The following TRIM13 variants were observed in gnomAD, a reference collection of about 807,000 sequenced individuals.
TRIM13 encodes the protein tripartite motif containing 13.
Under a neutral mutation model 27.1 loss-of-function variants are expected in TRIM13, and 15 were observed. That is an observed-to-expected ratio of 0.55 (90% CI 0.37 to 0.85). The LOEUF (loss-of-function observed/expected upper bound fraction) is 0.85, where lower values mean the gene tolerates loss of function less well. Among genes scored for constraint, TRIM13 ranks in the 40% least tolerant of loss-of-function variants. The pLI is 0.00. For missense variants in TRIM13, 402 were observed against 472.2 expected (o/e 0.85, Z 1.38); for synonymous variants, 193 against 171.5 (o/e 1.13, Z -0.98).
chr13:49,998,449 C>T (rs759650823), intron 1 of TRIM13, among the ~76,000 whole-genome samples: 9 of 152,228 alleles, frequency 5.9e-5, no homozygotes, highest in African/African-American at 2.2e-4. Flanking sequence ...CTTGAAATCA[C>T]AGTTCAAGTT....
intron 1 of TRIM13, among the ~76,000 whole-genome samples, chr13:50,000,471 CAAACA>C (rs1344894902): frequency 6.6e-6 from 1 of 152,120 alleles, no homozygotes; most frequent in Non-Finnish European, 1.5e-5. Flanking sequence ...CAACAACCCA[CAAACA>C]AAACAACACA....
Position 50,013,065 on chromosome 13 carries a change from G to A in TRIM13, c.1125G>A (p.Val375=), listed in dbSNP as rs1446432636. 1.2e-6 allele frequency: 2 copies of A among 1,613,872 alleles called. No individual in the cohort carries two copies. Among genetic ancestry groups the A allele is most frequent in the Admixed American group, 1.7e-5 (1 of 59,988 alleles). ...AATCAGTTTTTTACTGGGAACAGGT[G>A]ACAGATGGGTTTTTCATTTTCAATG... is the stretch of plus-strand genomic sequence containing the variant. ...IEQSVFYWEQ[V]TDGFFIFNER... Residue 375 remains valine (V), a synonymous_variant, in exon 2 of 2, where the codon GTG becomes GTA. Coordinates refer to ENST00000378182, the MANE Select transcript of TRIM13 (RefSeq NM_213590.3).
Position 50,012,873 on chromosome 13 carries a change from C to G in TRIM13, c.933C>G (p.Pro311=), listed in dbSNP as rs1389438406. ...QDTGTFISKI[P]WSFYKLFLLI... Reference sequence around the variant, plus strand: ...CTGGCACATTCATTAGCAAGATTCCCTGGAGCTTTTATAAGTTATTTTTGC... The same window carrying G: ...CTGGCACATTCATTAGCAAGATTCCGTGGAGCTTTTATAAGTTATTTTTGC... The change falls in exon 2 of 2, where the codon CCC becomes CCG. Residue 311 remains proline, a synonymous_variant. Coordinates refer to ENST00000378182, the MANE Select transcript of TRIM13 (RefSeq NM_213590.3). 6.2e-7 allele frequency: 1 copy of G among 1,614,014 alleles called. No individual in the cohort carries two copies. The highest frequency in any genetic ancestry group is 1.7e-5 in the Admixed American group (1 of 60,004).
At position 50,012,712 on chromosome 13, in the gene TRIM13, A is replaced by G. The variant is rs1875802451; in HGVS notation, c.772A>G (p.Lys258Glu). 2 of 1,614,002 alleles carry G rather than the reference A, an allele frequency of 1.2e-6. No homozygotes were observed. The highest frequency in any genetic ancestry group is 1.3e-5 in the African/African-American group (1 of 74,918). The stretch of plus-strand genomic sequence containing the variant: ...GCAACAGATGCAGGAGTTTAGAGAG[A>G]AAATCAAAGTAATCAAGGAAACTCC... ...FLQQMQEFREKIKVIKETPLP... is the reference protein window; with the variant it reads ...FLQQMQEFREEIKVIKETPLP... The change falls in exon 2 of 2, where the codon AAA becomes GAA. Residue 258 changes from lysine (K) to glutamate (E), a missense_variant. Coordinates refer to ENST00000378182, the MANE Select transcript of TRIM13 (RefSeq NM_213590.3).
At position 50,014,078 on chromosome 13, in the gene TRIM13, A is replaced by G. The variant is rs1364734849; in HGVS notation, c.*914A>G. Reference sequence around the variant, plus strand: ...CATTTTTAGGAGAGTGGAGCTTTCAATCTGCCCTTTTCTCCTTTGTTTTTG... The same window carrying G: ...CATTTTTAGGAGAGTGGAGCTTTCAGTCTGCCCTTTTCTCCTTTGTTTTTG... On this transcript the variant is annotated 3_prime_UTR_variant, in exon 2 of 2. Coordinates refer to ENST00000378182, the MANE Select transcript of TRIM13 (RefSeq NM_213590.3). 5 of 166,500 alleles carry G rather than the reference A, an allele frequency of 3.0e-5. No homozygotes were observed. Among genetic ancestry groups the G allele is most frequent in the African/African-American group, 1.2e-4 (5 of 41,280 alleles). The allele number at this position is 166,500 out of a possible 1,614,324, so 10.3% of individuals were successfully genotyped here. A position where few individuals can be genotyped will look rare whatever the true frequency, so the allele number is the denominator to read the frequency against.
At chr13:50,003,655 G>A (rs1274717067) in intron 1 of TRIM13, among the ~76,000 whole-genome samples, 1 of 152,074 alleles carries the variant, frequency 6.6e-6, no homozygotes. Flanking sequence ...TTGTGTTATG[G>A]TTCTCATTTA....
At chr13:49,998,173 A>C (rs1873479783) in intron 1 of TRIM13, among the ~76,000 whole-genome samples, 1 of 152,202 alleles carries the variant, frequency 6.6e-6, no homozygotes, top group Non-Finnish European at 1.5e-5. Context: ...GTAGAACTTG[A>C]TGGAGCTGTT....
chr13:50,003,430 C>T (rs1224699693), intron 1 of TRIM13, among the ~76,000 whole-genome samples: 2 of 152,104 alleles, frequency 1.3e-5, no homozygotes, highest in East Asian at 3.9e-4. Flanking sequence ...AATTTAAAAC[C>T]TTAGTAGGAA....
At chr13:50,011,888 AGTG>A in intron 1 of TRIM13, 44 bp from the exon 2 acceptor site, 1 of 1,532,998 alleles carries the variant, frequency 6.5e-7, no homozygotes, top group Admixed American at 2.1e-5. Context: ...ACATAGTCCT[AGTG>A]GTGACGGTTA....
chr13:49,998,723 G>A (rs935951983), intron 1 of TRIM13, among the ~76,000 whole-genome samples: 5 of 151,952 alleles, frequency 3.3e-5, no homozygotes, highest in African/African-American at 1.2e-4. Context: ...GAGGTCAGGA[G>A]TTCAAGACCA....
Position 50,015,075 on chromosome 13 carries a change from TAAAAAAAAAAAAAA to T in TRIM13, c.*1918_*1931del, listed in dbSNP as rs753156435. On this transcript the variant is annotated 3_prime_UTR_variant, in exon 2 of 2. Coordinates refer to ENST00000378182, the MANE Select transcript of TRIM13 (RefSeq NM_213590.3). ...GAGAATGCTTTTCCCCTCCCAGTAA[TAAAAAAAAAAAAAA>T]AAAAAATATATATATATATATATAT... The T allele has an allele frequency of 1.8e-5, 1 of 56,092 alleles. No homozygotes were observed. The allele number at this position is 56,092 out of a possible 1,614,324, so 3.5% of individuals were successfully genotyped here.
At chr13:50,008,864 A>G (rs532340363) in intron 1 of TRIM13, among the ~76,000 whole-genome samples, 2 of 151,510 alleles carry the variant, frequency 1.3e-5, no homozygotes, top group Non-Finnish European at 2.9e-5. Flanking sequence ...AAAAAAAACT[A>G]CAAAGAAAAA....
At chr13:50,009,736 C>CAAAAAAAA (rs35561642) in intron 1 of TRIM13, among the ~76,000 whole-genome samples, 1 of 101,160 alleles carries the variant, frequency 9.9e-6, no homozygotes, top group Non-Finnish European at 1.9e-5. Context: ...GACTCCGTCT[C>CAAAAAAAA]AAAAAAAAAA....
chr13:49,999,299 C>T (rs1334241352), intron 1 of TRIM13, among the ~76,000 whole-genome samples: 1 of 152,058 alleles, frequency 6.6e-6, no homozygotes, highest in Non-Finnish European at 1.5e-5. Context: ...TCCCCTGGGC[C>T]CTATGTAAAT....
Position 50,013,138 on chromosome 13 carries a change from T to G in TRIM13, c.1198T>G (p.Phe400Val). Residue 400 changes from phenylalanine to valine, a missense_variant, in exon 2 of 2, where the codon TTT (phenylalanine) becomes GTT (valine). Physicochemically the swap from Phe to Val is conservative, Grantham distance 50. Coordinates refer to ENST00000378182, the MANE Select transcript of TRIM13 (RefSeq NM_213590.3). ...TLVVLNNVAE[F>V]VCKYKLL is the part of the protein sequence containing the mutation. The stretch of plus-strand genomic sequence containing the variant: ...GGTGGTACTGAACAATGTGGCAGAA[T>G]TTGTGTGCAAATATAAACTATTATA... The G allele has an allele frequency of 1.3e-6, 2 of 1,580,464 alleles. No individual in the cohort carries two copies. Among genetic ancestry groups the G allele is most frequent in the Non-Finnish European group, 1.7e-6 (2 of 1,166,364 alleles).
At chr13:50,011,193 G>A (rs1240457585) in intron 1 of TRIM13, among the ~76,000 whole-genome samples, 1 of 152,186 alleles carries the variant, frequency 6.6e-6, no homozygotes, top group Non-Finnish European at 1.5e-5. Flanking sequence ...CAAAAAGCAA[G>A]TAACATCTTA....
At position 50,012,522 on chromosome 13, in the gene TRIM13, T is replaced by C; in HGVS notation, c.582T>C (p.Asp194=). The C allele has an allele frequency of 6.2e-7, 1 of 1,614,018 alleles. No homozygotes were observed. Among genetic ancestry groups the C allele is most frequent in the Non-Finnish European group, 8.5e-7 (1 of 1,179,992 alleles). The change falls in exon 2 of 2, where the codon GAT becomes GAC. Residue 194 remains aspartate (D), a synonymous_variant. Coordinates refer to ENST00000378182, the MANE Select transcript of TRIM13 (RefSeq NM_213590.3). ...TTGAGAAGTTACAACACACACTGGATCAAAAGAAGAATGAAATTCTGTCTG... is the reference window on the plus strand; with the variant it reads ...TTGAGAAGTTACAACACACACTGGACCAAAAGAAGAATGAAATTCTGTCTG... The part of the protein sequence containing the change: ...EFFEKLQHTL[D]QKKNEILSDF...
rs1206408736 is a variant in TRIM13, at chr13:50,012,706, A to G, written c.766A>G (p.Arg256Gly). The stretch of plus-strand genomic sequence containing the variant: ...ATTTCTGCAACAGATGCAGGAGTTT[A>G]GAGAGAAAATCAAAGTAATCAAGGA... ...IVFLQQMQEF[R>G]EKIKVIKETP... The change falls in exon 2 of 2, where the codon AGA (arginine) becomes GGA (glycine). Residue 256 changes from arginine to glycine, a missense_variant. Arg to Gly is a moderately radical substitution (Grantham distance 125, BLOSUM62 -2). Transcript: ENST00000378182. The G allele has an allele frequency of 1.5e-5, 24 of 1,614,172 alleles. No individual in the cohort carries two copies. The highest frequency in any genetic ancestry group is 1.9e-5 in the Non-Finnish European group (23 of 1,180,020).
At chr13:50,009,113 AAAT>A (rs2138396889) in intron 1 of TRIM13, among the ~76,000 whole-genome samples, 1 of 126,574 alleles carries the variant, frequency 7.9e-6, no homozygotes, top group South Asian at 2.4e-4. Context: ...AATTTTTAAA[AAAT>A]ACTCACGTAA....
Sources: gnomAD v4.1 joint callset for allele counts (sites outside exome capture counted in the v4.1 genomes callset) on GRCh38, gnomAD v4.1.1 for gene constraint, MANE v1.5 for transcripts, NCBI Gene and HGNC (gene_info 2026-07-23, HGNC 2026-07-21) for gene names.